Variants in RANBP2 observed in about 807,000 individuals in gnomAD.
RANBP2 encodes the protein RAN binding protein 2.
Under a neutral mutation model 303.6 loss-of-function variants are expected in RANBP2, and 57 were observed. The ratio of observed to expected loss-of-function variants is 0.19; its 90% confidence interval spans 0.15 to 0.23. The LOEUF (loss-of-function observed/expected upper bound fraction) is 0.23, where lower values mean the gene tolerates loss of function less well. RANBP2 is among the 10% of genes least tolerant of loss of function. The probability of loss-of-function intolerance (pLI) is 1.00; values close to 1 mark genes in which losing one functional copy is unlikely to be tolerated. For missense variants in RANBP2, 3,138 were observed against 3,780.8 expected, an observed-to-expected ratio of 0.83 and a Z score of 4.46; for synonymous variants, 1,167 against 1,301.5, an observed-to-expected ratio of 0.90 and a Z score of 2.23.
the RANBP2 span, among the ~76,000 whole-genome samples, chr2:108,964,285 G>A: frequency 8.5e-5 from 13 of 152,170 alleles, no homozygotes; most frequent in African/African-American, 1.4e-4. Flanking sequence ...GAGGTCCACC[G>A]GTGACCTGTG....
the RANBP2 span, among the ~76,000 whole-genome samples, chr2:109,031,183 G>T: frequency 6.6e-6 from 1 of 152,134 alleles, no homozygotes; most frequent in South Asian, 2.1e-4. Context: ...TTTATAAATA[G>T]CCATTTCCTT....
chr2:109,490,532 T>C, the RANBP2 span: 1 of 1,218,088 alleles, frequency 8.2e-7, no homozygotes, highest in Admixed American at 3.3e-5. Context: ...GGAAGATGCA[T>C]TCCCCTCTCT....
intron 1 of RANBP2, among the ~76,000 whole-genome samples, chr2:108,726,840 C>G (rs1417119380): frequency 6.6e-6 from 1 of 151,806 alleles, no homozygotes; most frequent in South Asian, 2.1e-4. Flanking sequence ...TGACTCTTAA[C>G]GAGCATGCTG....
At chr2:109,076,203 C>T in the RANBP2 span, among the ~76,000 whole-genome samples, 1 of 150,112 alleles carries the variant, frequency 6.7e-6, no homozygotes, top group South Asian at 2.1e-4. Context: ...ATGACCATCT[C>T]AATAGATGCA....
the RANBP2 span, among the ~76,000 whole-genome samples, chr2:108,834,155 G>A: frequency 2.0e-5 from 3 of 150,654 alleles, no homozygotes; most frequent in Non-Finnish European, 4.4e-5. Context: ...AGAATCAATT[G>A]CATATTTTTA....
At chr2:109,026,145 A>G in the RANBP2 span, among the ~76,000 whole-genome samples, 252 of 152,082 alleles carry the variant, frequency 1.7e-3, no homozygotes, top group African/African-American at 5.6e-3. Context: ...TAAAATTTTA[A>G]TTTTGTTTAT....
chr2:109,507,613 C>T, the RANBP2 span, among the ~76,000 whole-genome samples: 9 of 152,198 alleles, frequency 5.9e-5, no homozygotes, highest in African/African-American at 1.9e-4. Context: ...AACTTGACCC[C>T]TCCCTCAGTG....
At chr2:109,199,377 A>G in the RANBP2 span, among the ~76,000 whole-genome samples, 3 of 95,374 alleles carry the variant, frequency 3.1e-5, no homozygotes, top group Admixed American at 9.7e-5. Flanking sequence ...ATGGAATGGA[A>G]TGGAATGGAA....
At chr2:108,901,888 G>A in the RANBP2 span, among the ~76,000 whole-genome samples, 720 of 152,266 alleles carry the variant, frequency 4.7e-3, 7 homozygotes, top group South Asian at 0.022. Context: ...TATATTGCTT[G>A]AGGTCAGGAG....
chr2:108,849,114 A>G, the RANBP2 span, among the ~76,000 whole-genome samples: 1 of 152,176 alleles, frequency 6.6e-6, no homozygotes, highest in Non-Finnish European at 1.5e-5. Flanking sequence ...AGAATTAGAC[A>G]CTGCAGACAA....
the RANBP2 span, among the ~76,000 whole-genome samples, chr2:109,655,477 C>T: frequency 6.6e-6 from 1 of 152,208 alleles, no homozygotes; most frequent in East Asian, 1.9e-4. Flanking sequence ...AGAGGTGACT[C>T]ATGCACAGGA....
the RANBP2 span, among the ~76,000 whole-genome samples, chr2:109,084,165 T>C: frequency 6.6e-6 from 1 of 152,206 alleles, no homozygotes; most frequent in Non-Finnish European, 1.5e-5. Context: ...CCTCCTTCTT[T>C]TTCTGGAGGA....
the RANBP2 span, among the ~76,000 whole-genome samples, chr2:109,301,344 G>T: frequency 6.0e-5 from 8 of 133,010 alleles, no homozygotes; most frequent in Non-Finnish European, 9.6e-5. Flanking sequence ...ACGTGTGTGT[G>T]TGTGTGTGTT....
chr2:108,930,246 C>A, the RANBP2 span: 1 of 1,614,048 alleles, frequency 6.2e-7, no homozygotes, highest in Non-Finnish European at 8.5e-7. Context: ...GAGACACCTG[C>A]CAACAAAGGG....
At chr2:109,255,800 C>T in the RANBP2 span, among the ~76,000 whole-genome samples, 794 of 152,262 alleles carry the variant, frequency 5.2e-3, 7 homozygotes, top group Middle Eastern at 0.01. Flanking sequence ...GAAATGAAAC[C>T]GCCCTGCCGA....
the RANBP2 span, among the ~76,000 whole-genome samples, chr2:108,810,726 T>C: frequency 6.6e-6 from 1 of 152,172 alleles, no homozygotes; most frequent in Admixed American, 6.6e-5. Flanking sequence ...AGTTTGAGAA[T>C]TGGTATTTGT....
At chr2:109,342,191 C>T in the RANBP2 span, among the ~76,000 whole-genome samples, 1 of 152,208 alleles carries the variant, frequency 6.6e-6, no homozygotes, top group Non-Finnish European at 1.5e-5. Context: ...TTCTCATCAG[C>T]CATACCTGGG....
chr2:109,067,148 G>A, the RANBP2 span, among the ~76,000 whole-genome samples: 1 of 152,150 alleles, frequency 6.6e-6, no homozygotes, highest in Non-Finnish European at 1.5e-5. Context: ...AGGCCAGCCT[G>A]GGTCGGCTTG....
At chr2:109,000,439 CTGAT>C in the RANBP2 span, among the ~76,000 whole-genome samples, 1 of 152,096 alleles carries the variant, frequency 6.6e-6, no homozygotes, top group Non-Finnish European at 1.5e-5. Flanking sequence ...GGTGGGAAGA[CTGAT>C]TGAATCTGGG....
Sources: allele counts gnomAD v4.1 joint callset (sites outside exome capture counted in the v4.1 genomes callset), GRCh38; gene constraint gnomAD v4.1.1; transcripts MANE v1.5; gene names NCBI Gene and HGNC (gene_info 2026-07-23, HGNC 2026-07-21).